KCNT2: variants seen among roughly 807,000 people sequenced by gnomAD.
The protein encoded by KCNT2 is potassium sodium-activated channel subfamily T member 2, also known as potassium channel subfamily T member 2.
KCNT2 carries 67 observed loss-of-function variants against 153.8 expected under a neutral mutation model. The observed-to-expected ratio is 0.44, with a 90% CI of 0.36 to 0.53. KCNT2 has a LOEUF of 0.53. KCNT2 is among the 20% of genes least tolerant of loss of function. The pLI is 0.00. For synonymous variants in KCNT2, 500 were observed against 458.8 expected (o/e 1.09, Z -1.15); for missense variants, 975 against 1,354.8 (o/e 0.72, Z 4.40).
chr1:196,271,380 T>C (rs1189057055), intron 25 of KCNT2, among the ~76,000 whole-genome samples: 2 of 152,152 alleles, frequency 1.3e-5, no homozygotes, highest in East Asian at 3.9e-4. Flanking sequence ...AAAGCTTAAG[T>C]TACTTTCTGT....
intron 8 of KCNT2, among the ~76,000 whole-genome samples, chr1:196,455,280 C>T (rs1676563487): frequency 6.6e-6 from 1 of 152,026 alleles, no homozygotes; most frequent in African/African-American, 2.4e-5. Context: ...AACATATTCA[C>T]AAGTTACAGA....
chr1:196,378,316 C>T (rs778012199), intron 13 of KCNT2, among the ~76,000 whole-genome samples: 92 of 152,060 alleles, frequency 6.1e-4, no homozygotes, highest in Non-Finnish European at 1.1e-3. Context: ...GGTAGTGGTC[C>T]TGGGACCACT....
At chr1:196,359,548 T>C (rs1390893825) in intron 14 of KCNT2, among the ~76,000 whole-genome samples, 5 of 152,026 alleles carry the variant, frequency 3.3e-5, no homozygotes, top group South Asian at 4.1e-4. Flanking sequence ...TTGTTGAAGA[T>C]GCATGTGTGA....
intron 1 of KCNT2, among the ~76,000 whole-genome samples, chr1:196,543,441 T>A (rs1220919148): frequency 1.3e-5 from 2 of 152,050 alleles, no homozygotes; most frequent in African/African-American, 4.8e-5. Flanking sequence ...TAGCAATAAA[T>A]CACAGTTACT....
At chr1:196,459,629 T>G (rs763653615) in intron 8 of KCNT2, among the ~76,000 whole-genome samples, 1 of 151,828 alleles carries the variant, frequency 6.6e-6, no homozygotes, top group Non-Finnish European at 1.5e-5. Flanking sequence ...CCAAAAACTG[T>G]AAGTCATAGT....
chr1:196,352,178 T>A (rs1476986295), intron 14 of KCNT2, among the ~76,000 whole-genome samples: 1 of 151,994 alleles, frequency 6.6e-6, no homozygotes, highest in Non-Finnish European at 1.5e-5. Context: ...TTTTTGGTTG[T>A]GTCTCTGCCC....
Position 196,228,135 on chromosome 1 carries a change from T to C in KCNT2, c.*89A>G. 2.9e-6 allele frequency: 2 copies of C among 689,700 alleles called. No homozygotes were observed. The highest frequency in any genetic ancestry group is 2.7e-5 in the East Asian group (1 of 37,592). The allele number at this position is 689,700 out of a possible 1,614,324, so 42.7% of individuals were successfully genotyped here. ...TTTTTAAATATGAGAGAATTACATA[T>C]ATTTCCATCTAGTTTCTTTCGTGCC... On this transcript the variant is annotated 3_prime_UTR_variant, in exon 28 of 28. Coordinates refer to ENST00000294725, the MANE Select transcript of KCNT2 (RefSeq NM_198503.5).
chr1:196,481,379 T>C (rs1189623545), intron 4 of KCNT2, among the ~76,000 whole-genome samples: 3 of 152,162 alleles, frequency 2.0e-5, no homozygotes, highest in African/African-American at 2.4e-5. Flanking sequence ...ATTTGAGTGA[T>C]GGATATAGTG....
chr1:196,237,036 A>T (rs758872477), intron 26 of KCNT2, among the ~76,000 whole-genome samples: 1 of 151,522 alleles, frequency 6.6e-6, no homozygotes, highest in Non-Finnish European at 1.5e-5. Context: ...AAAGAACTAA[A>T]TTTTTCAGTT....
intron 12 of KCNT2, among the ~76,000 whole-genome samples, chr1:196,420,925 G>A (rs1187016019): frequency 6.6e-6 from 1 of 151,974 alleles, no homozygotes; most frequent in Admixed American, 6.6e-5. Context: ...GATATGTACA[G>A]GGGTTCAAAG....
chr1:196,593,256 A>T (rs932627907), intron 1 of KCNT2, among the ~76,000 whole-genome samples: 1 of 147,754 alleles, frequency 6.8e-6, no homozygotes, highest in Admixed American at 6.8e-5. Context: ...CCATTAATTC[A>T]TTCCTTTTTA....
At chr1:196,525,225 A>T (rs1558040532) in intron 1 of KCNT2, among the ~76,000 whole-genome samples, 1 of 151,968 alleles carries the variant, frequency 6.6e-6, no homozygotes, top group Non-Finnish European at 1.5e-5. Context: ...CGTAAAGCAA[A>T]TAAAAAAAAA....
intron 1 of KCNT2, among the ~76,000 whole-genome samples, chr1:196,504,339 G>GT (rs1025207750): frequency 1.6e-4 from 24 of 150,636 alleles, no homozygotes; most frequent in African/African-American, 5.1e-4. Flanking sequence ...GCGGTGTTTG[G>GT]TTTTTTGTCC....
chr1:196,464,517 C>T (rs930894645), intron 8 of KCNT2, among the ~76,000 whole-genome samples: 1 of 151,816 alleles, frequency 6.6e-6, no homozygotes, highest in Non-Finnish European at 1.5e-5. Flanking sequence ...TGTATGTGTG[C>T]ATTTTTCCTT....
At chr1:196,247,005 GA>G (rs1484521384) in intron 26 of KCNT2, among the ~76,000 whole-genome samples, 1 of 151,860 alleles carries the variant, frequency 6.6e-6, no homozygotes, top group Non-Finnish European at 1.5e-5. Flanking sequence ...GAATGAATTA[GA>G]AAAACAAGAC....
chr1:196,487,110 C>A (rs940089427), intron 3 of KCNT2, among the ~76,000 whole-genome samples: 5 of 151,902 alleles, frequency 3.3e-5, no homozygotes, highest in African/African-American at 1.2e-4. Flanking sequence ...AATTAACATT[C>A]ATTCTCCCCC....
intron 1 of KCNT2, among the ~76,000 whole-genome samples, chr1:196,594,065 G>C (rs575313852): frequency 6.6e-6 from 1 of 151,956 alleles, no homozygotes; most frequent in African/African-American, 2.4e-5. Context: ...ACCTATGTGA[G>C]TATGAGATGG....
At chr1:196,540,164 G>GA (rs1656158930) in intron 1 of KCNT2, among the ~76,000 whole-genome samples, 2 of 151,922 alleles carry the variant, frequency 1.3e-5, no homozygotes, top group African/African-American at 4.8e-5. Flanking sequence ...TTTAAGTCCA[G>GA]AAAAAAGAAT....
intron 14 of KCNT2, among the ~76,000 whole-genome samples, chr1:196,367,364 G>C (rs1444854102): frequency 6.6e-6 from 1 of 151,974 alleles, no homozygotes; most frequent in Non-Finnish European, 1.5e-5. Flanking sequence ...GTAAAACTTA[G>C]GTGATCTCAG....
Sources: gnomAD v4.1 joint callset for allele counts (sites outside exome capture counted in the v4.1 genomes callset) on GRCh38, gnomAD v4.1.1 for gene constraint, MANE v1.5 for transcripts, NCBI Gene and HGNC (gene_info 2026-07-23, HGNC 2026-07-21) for gene names.